Variants in FGF2 observed in about 807,000 individuals in gnomAD.
The protein encoded by FGF2 is fibroblast growth factor 2.
Under a neutral mutation model 15.9 loss-of-function variants are expected in FGF2, and 13 were observed. That is an observed-to-expected ratio of 0.82 (90% CI 0.53 to 1.30). FGF2 has a LOEUF of 1.30. Among genes scored for constraint, FGF2 ranks in the 50% most tolerant of loss-of-function variants. The probability of loss-of-function intolerance (pLI) is 0.00; values close to 1 mark genes in which losing one functional copy is unlikely to be tolerated. For synonymous variants in FGF2, 90 were observed against 78.4 expected, an observed-to-expected ratio of 1.15 and a Z score of -0.78; for missense variants, 163 against 196.9, an observed-to-expected ratio of 0.83 and a Z score of 1.03.
chr4:122,843,467 G>A (rs1726039239), intron 1 of FGF2, among the ~76,000 whole-genome samples: 1 of 152,208 alleles, frequency 6.6e-6, no homozygotes, highest in African/African-American at 2.4e-5. Flanking sequence ...CAGAGAATAA[G>A]AGGATTAAAT....
In FGF2 at chr4:122,857,142, A is replaced by G. The variant is rs1028677497; in HGVS notation, c.179-19179A>G. Among the ~76,000 whole-genome samples the G allele has an allele frequency of 1.2e-4, 19 of 152,180 alleles. 1 individual carries two copies. Among genetic ancestry groups the G allele is most frequent in the Admixed American group, 6.5e-4 (10 of 15,276 alleles). On this transcript the variant is annotated intron_variant, in intron 1 of 2. Coordinates refer to ENST00000644866, the MANE Select transcript of FGF2 (RefSeq NM_001361665.2). ...CAGAAAATGCCCCAGCCAAAAGTGG[A>G]TGGAATTTTCCCACCTGAATTACAA...
chr4:122,842,730 G>C (rs763811493), intron 1 of FGF2, among the ~76,000 whole-genome samples: 8 of 152,114 alleles, frequency 5.3e-5, no homozygotes, highest in Non-Finnish European at 2.9e-5. Context: ...TATGGTCTCT[G>C]GGAAATTTCT....
chr4:122,867,478 A>G (rs188313411), intron 1 of FGF2, among the ~76,000 whole-genome samples: 2 of 152,338 alleles, frequency 1.3e-5, no homozygotes, highest in African/African-American at 4.8e-5. Context: ...TGGCTTCCCA[A>G]GCTGGCAGTT....
chr4:122,875,674 G>A (rs1048477033), intron 1 of FGF2, among the ~76,000 whole-genome samples: 1 of 152,116 alleles, frequency 6.6e-6, no homozygotes, highest in Non-Finnish European at 1.5e-5. Flanking sequence ...GGGCGTGGTG[G>A]TGGGCATCTG....
intron 1 of FGF2, among the ~76,000 whole-genome samples, chr4:122,856,751 C>A (rs2150774050): frequency 6.6e-6 from 1 of 152,290 alleles, no homozygotes; most frequent in East Asian, 1.9e-4. Flanking sequence ...AACAGTAGTA[C>A]AGTATCATAA....
rs1727211686 is a variant in FGF2, at chr4:122,892,410, A to G, written c.*14A>G. ...GCTAAGAGCTGATTTTAATGGCCAC[A>G]TCTAATCTCATTTCACATGAAAGAA... On this transcript the variant is annotated 3_prime_UTR_variant, in exon 3 of 3. Transcript: ENST00000644866. 6.2e-7 allele frequency: 1 copy of G among 1,612,854 alleles called. No individual in the cohort carries two copies. The highest frequency in any genetic ancestry group is 1.7e-5 in the Admixed American group (1 of 60,002).
At position 122,892,869 on chromosome 4, in the gene FGF2, C is replaced by A. The variant is rs372832872; in HGVS notation, c.*473C>A. On this transcript the variant is annotated 3_prime_UTR_variant, in exon 3 of 3. Coordinates refer to ENST00000644866, the MANE Select transcript of FGF2 (RefSeq NM_001361665.2). ...ATAGTTTTATAATTCTCTGGCAGTT[C>A]CTTATGATAGAGTTTATAAAACAGT... 6.2e-7 allele frequency: 1 copy of A among 1,610,394 alleles called. No individual in the cohort carries two copies. Among genetic ancestry groups the A allele is most frequent in the African/African-American group, 1.3e-5 (1 of 74,770 alleles).
At chr4:122,886,488 T>A (rs769028244) in intron 2 of FGF2, among the ~76,000 whole-genome samples, 3 of 152,164 alleles carry the variant, frequency 2.0e-5, no homozygotes, top group African/African-American at 2.4e-5. Context: ...TCCACCTCCT[T>A]GAGGGGTAGT....
rs1366411895 is a variant in FGF2 at position 122,893,049 on chromosome 4, A to T, written c.*653A>T. 1 of 1,614,180 alleles carries T rather than the reference A, an allele frequency of 6.2e-7. No individual in the cohort carries two copies. Among genetic ancestry groups the T allele is most frequent in the East Asian group, 2.2e-5 (1 of 44,884 alleles). On this transcript the variant is annotated 3_prime_UTR_variant, in exon 3 of 3. Transcript: ENST00000644866. ...TTGAGATCCATCCACTCACATCTTA[A>T]GCATTCTTCCTGGCAAAAATTTATG...
chr4:122,883,890 G>A (rs1392806025), intron 2 of FGF2, among the ~76,000 whole-genome samples: 1 of 152,136 alleles, frequency 6.6e-6, no homozygotes, highest in African/African-American at 2.4e-5. Context: ...GGATATACAT[G>A]TAATTTCTGT....
intron 2 of FGF2, among the ~76,000 whole-genome samples, chr4:122,879,454 C>T (rs1175563961): frequency 2.0e-5 from 3 of 152,190 alleles, no homozygotes; most frequent in African/African-American, 7.2e-5. Context: ...TTATAACTAA[C>T]TATGGACAGC....
rs79155241 is a variant in FGF2 at position 122,841,593 on chromosome 4, G to C, written c.178+14241G>C. The stretch of plus-strand genomic sequence containing the variant: ...CTGGAATTATGCTTTTCCTCTAAAA[G>C]AAAAAAAATAAAGGTGATATAGATG... On this transcript the variant is annotated intron_variant, in intron 1 of 2. Coordinates refer to ENST00000644866, the MANE Select transcript of FGF2 (RefSeq NM_001361665.2). Among the ~76,000 whole-genome samples, 1,381 of 151,760 alleles carry C rather than the reference G, an allele frequency of 9.1e-3. 26 individuals carry two copies. The highest frequency in any genetic ancestry group is 0.031 in the African/African-American group (1,270 of 41,420).
At chr4:122,861,669 C>T (rs1299412194) in intron 1 of FGF2, among the ~76,000 whole-genome samples, 2 of 152,096 alleles carry the variant, frequency 1.3e-5, no homozygotes, top group Non-Finnish European at 2.9e-5. Context: ...TTCTTTCATG[C>T]TATTACACAC....
intron 2 of FGF2, among the ~76,000 whole-genome samples, chr4:122,877,126 T>C (rs1296393584): frequency 6.6e-6 from 1 of 151,954 alleles, no homozygotes; most frequent in Non-Finnish European, 1.5e-5. Flanking sequence ...CTTTTTTTTT[T>C]TGAGATGGAG....
rs1347921910 is a variant in FGF2, at chr4:122,892,734, G to GA, written c.*342dup. On this transcript the variant is annotated 3_prime_UTR_variant, in exon 3 of 3. Coordinates refer to ENST00000644866, the MANE Select transcript of FGF2 (RefSeq NM_001361665.2). ...TTCTTCATGGAAATCATATACATTA[G>GA]AAAATCACAGTCAGATGTTTAATCA... 2.2e-6 allele frequency: 3 copies of GA among 1,341,080 alleles called. No homozygotes were observed. In the East Asian group the frequency reaches 7.4e-5, roughly 33 times the overall value. 83.1% of individuals were successfully genotyped at this position (1,341,080 alleles called of 1,614,324 possible). A position where few individuals can be genotyped will look rare whatever the true frequency, so the allele number is the denominator to read the frequency against.
intron 2 of FGF2, among the ~76,000 whole-genome samples, chr4:122,884,888 A>G (rs1001918794): frequency 2.6e-5 from 4 of 152,190 alleles, no homozygotes; most frequent in Non-Finnish European, 4.4e-5. Context: ...TAAGGCTACT[A>G]GAGATTAGGA....
chr4:122,879,602 T>A (rs957522523), intron 2 of FGF2, among the ~76,000 whole-genome samples: 1 of 152,238 alleles, frequency 6.6e-6, no homozygotes, highest in Admixed American at 6.5e-5. Flanking sequence ...TAGTCCATTT[T>A]CATGCTGCCG....
intron 1 of FGF2, among the ~76,000 whole-genome samples, chr4:122,835,883 A>G (rs982492119): frequency 1.2e-4 from 19 of 152,162 alleles, no homozygotes; most frequent in African/African-American, 4.1e-4. Flanking sequence ...TACTGTCACA[A>G]TGATTGGCCT....
chr4:122,877,301 C>T (rs932726941), intron 2 of FGF2, among the ~76,000 whole-genome samples: 2 of 152,126 alleles, frequency 1.3e-5, no homozygotes, highest in African/African-American at 4.8e-5. Context: ...TTAGTAGAGA[C>T]AGGGTTTCGC....
Sources: allele counts gnomAD v4.1 joint callset (sites outside exome capture counted in the v4.1 genomes callset), GRCh38; gene constraint gnomAD v4.1.1; transcripts MANE v1.5; gene names NCBI Gene and HGNC (gene_info 2026-07-23, HGNC 2026-07-21).